The following MYOC variants were observed in gnomAD, a reference collection of about 807,000 sequenced individuals.
The protein encoded by MYOC is juvenile-onset open-angle glaucoma 1.
In MYOC, 29 loss-of-function variants were observed where a neutral mutation model predicts 28.2. That is an observed-to-expected ratio of 1.03 (90% CI 0.77 to 1.40). MYOC has a LOEUF of 1.40. Ranked by LOEUF, MYOC falls within the 40% of genes most tolerant of loss-of-function variation. MYOC has a pLI of 0.00. For synonymous variants in MYOC, 240 were observed against 245.6 expected (o/e 0.98, Z 0.21); for missense variants, 569 against 620.6 (o/e 0.92, Z 0.88).
At chr1:171,641,958 G>A (rs1653087020) in intron 1 of MYOC, among the ~76,000 whole-genome samples, 2 of 152,206 alleles carry the variant, frequency 1.3e-5, no homozygotes, top group African/African-American at 2.4e-5. Flanking sequence ...TTTCATCAAA[G>A]CCACACATTA....
Position 171,652,597 on chromosome 1 carries a change from A to C in MYOC, c.15T>G (p.Cys5Trp), listed in dbSNP as rs1399909538. 10 of 1,614,206 alleles carry C rather than the reference A, an allele frequency of 6.2e-6. No homozygotes were observed. In the East Asian group the frequency reaches 6.7e-5, roughly 11 times the overall value. The change falls in exon 1 of 3, where the codon TGT (cysteine) becomes TGG (tryptophan). Residue 5 changes from cysteine to tryptophan, a missense_variant. Cys to Trp is a radical substitution (Grantham distance 215, BLOSUM62 -2). Coordinates refer to ENST00000037502, the MANE Select transcript of MYOC (RefSeq NM_000261.2). MRFF[C>W]ARCCSFGPEM... is the part of the protein sequence containing the mutation. ...CAGGCCCAAAGCTGCAGCAACGTGC[A>C]CAGAAGAACCTCATTGCAGAGGCTT...
At chr1:171,648,360 G>T (rs932566263) in intron 1 of MYOC, among the ~76,000 whole-genome samples, 4 of 152,132 alleles carry the variant, frequency 2.6e-5, no homozygotes, top group African/African-American at 9.7e-5. Flanking sequence ...GGCTTGATGG[G>T]ATTGAGCCTC....
chr1:171,650,459 A>G (rs1008255027), intron 1 of MYOC, among the ~76,000 whole-genome samples: 4 of 152,244 alleles, frequency 2.6e-5, no homozygotes, highest in Non-Finnish European at 5.9e-5. Flanking sequence ...AACAATCTAA[A>G]CATTTTTTAA....
chr1:171,636,415 C>T lies in MYOC; in HGVS notation c.1025G>A (p.Arg342Lys). The stretch of plus-strand genomic sequence containing the variant: ...ATTCAGCTCATATCTTATGACAGTT[C>T]TGGACTCAGCGCCCTGGAAATAGAG... ...GSLYFQGAESRTVIRYELNTE... is the reference protein window; with the variant it reads ...GSLYFQGAESKTVIRYELNTE... The change falls in exon 3 of 3, where the codon AGA becomes AAA. Residue 342 changes from arginine to lysine, a missense_variant. Coordinates refer to ENST00000037502, the MANE Select transcript of MYOC (RefSeq NM_000261.2). 1 of 1,614,148 alleles carries T rather than the reference C, an allele frequency of 6.2e-7. No homozygotes were observed. The highest frequency in any genetic ancestry group is 8.5e-7 in the Non-Finnish European group (1 of 1,180,018).
chr1:171,637,608 ATGTC>A (rs1277399702), intron 2 of MYOC, among the ~76,000 whole-genome samples: 1 of 151,166 alleles, frequency 6.6e-6, no homozygotes, highest in African/African-American at 2.4e-5. Context: ...ATCACAACAG[ATGTC>A]TGTATTTTTT....
At chr1:171,641,495 C>G (rs902682328) in intron 1 of MYOC, among the ~76,000 whole-genome samples, 2 of 152,070 alleles carry the variant, frequency 1.3e-5, no homozygotes, top group Non-Finnish European at 2.9e-5. Context: ...GTCAGGGGGA[C>G]AGTGGCCTTG....
intron 1 of MYOC, among the ~76,000 whole-genome samples, chr1:171,649,412 G>A (rs981298982): frequency 3.3e-5 from 5 of 152,164 alleles, no homozygotes; most frequent in African/African-American, 1.2e-4. Context: ...CCTTGAAACA[G>A]ATCTTTTGTT....
chr1:171,641,628 C>G (rs1211307188), intron 1 of MYOC, among the ~76,000 whole-genome samples: 1 of 152,174 alleles, frequency 6.6e-6, no homozygotes, highest in Non-Finnish European at 1.5e-5. Flanking sequence ...CTGGGAGGGG[C>G]AGTCCCTCTC....
At chr1:171,638,811 C>G (rs751233286) in intron 1 of MYOC, 89 bp from the exon 2 acceptor site, 2 of 1,486,066 alleles carry the variant, frequency 1.3e-6, no homozygotes, top group African/African-American at 2.8e-5. Context: ...AATAGGCTGC[C>G]GGCCAGGCGT....
chr1:171,651,350 C>CCACA lies in MYOC; in HGVS notation c.604+654_604+657dup, dbSNP rs71107331. On this transcript the variant is annotated intron_variant, in intron 1 of 2. Transcript: ENST00000037502. Reference sequence around the variant, plus strand: ...CCAACACCTCACCCCCGCACCCCCCCCACACACACACAGACTCACCTTTAG... The same window carrying CCACA: ...CCAACACCTCACCCCCGCACCCCCCCCACACACACACACACAGACTCACCTTTAG... 1.2e-3 allele frequency among the ~76,000 whole-genome samples: 171 copies of CCACA among 146,892 alleles called. 1 individual carries two copies. Among genetic ancestry groups the CCACA allele is most frequent in the Non-Finnish European group, 2.2e-3 (144 of 66,760 alleles).
In MYOC at chr1:171,638,656, G is replaced by C; in HGVS notation, c.671C>G (p.Ala224Gly). The change falls in exon 2 of 3, where the codon GCT becomes GGT. Residue 224 changes from alanine to glycine, a missense_variant. Physicochemically the swap from Ala to Gly is moderately conservative, Grantham distance 60. Transcript: ENST00000037502. ...ELKSELTEVP[A>G]SRILKESPSG... is the part of the protein sequence containing the mutation. ...TGGGCTCTCCTTCAAAATTCGGGAA[G>C]CAGGAACTTCAGTTAGCTCGGACTT... The C allele has an allele frequency of 6.2e-7, 1 of 1,614,160 alleles. No individual in the cohort carries two copies. Among genetic ancestry groups the C allele is most frequent in the Non-Finnish European group, 8.5e-7 (1 of 1,179,986 alleles).
chr1:171,636,595 T>C lies in MYOC; in HGVS notation c.845A>G (p.Gln282Arg). Residue 282 changes from glutamine (Q) to arginine (R), a missense_variant, in exon 3 of 3, where the codon CAG becomes CGG. Physicochemically the swap from Gln to Arg is conservative, Grantham distance 43. Coordinates refer to ENST00000037502, the MANE Select transcript of MYOC (RefSeq NM_000261.2). ...RDPKPTYPYT[Q>R]ETTWRIDTVG... ...TGTGTCGATTCTCCACGTGGTCTCCTGGGTGTAGGGGTAGGTGGGCTTGGG... is the reference window on the plus strand; with the variant it reads ...TGTGTCGATTCTCCACGTGGTCTCCCGGGTGTAGGGGTAGGTGGGCTTGGG... The C allele has an allele frequency of 1.9e-6, 3 of 1,612,624 alleles. No individual in the cohort carries two copies. The highest frequency in any genetic ancestry group is 2.5e-6 in the Non-Finnish European group (3 of 1,179,006).
chr1:171,642,149 G>A (rs901425029), intron 1 of MYOC, among the ~76,000 whole-genome samples: 1 of 152,246 alleles, frequency 6.6e-6, no homozygotes, highest in Admixed American at 6.5e-5. Context: ...CAGCTCAGTA[G>A]CTGCTGCAGC....
chr1:171,636,636 A>T lies in MYOC; in HGVS notation c.804T>A (p.Gly268=). Residue 268 remains glycine (G), a synonymous_variant, in exon 3 of 3, where the codon GGT becomes GGA. Transcript: ENST00000037502. ...TGGGCTTGGGGTCTCGCATCCACACACCATACTTGCCAGTAATTGTTTCTG... is the reference window on the plus strand; with the variant it reads ...TGGGCTTGGGGTCTCGCATCCACACTCCATACTTGCCAGTAATTGTTTCTG... ...RTAETITGKY[G]VWMRDPKPTY... The T allele has an allele frequency of 6.2e-7, 1 of 1,611,882 alleles. No homozygotes were observed. The highest frequency in any genetic ancestry group is 1.3e-5 in the African/African-American group (1 of 74,986).
chr1:171,651,555 A>T (rs1653353165), intron 1 of MYOC, among the ~76,000 whole-genome samples: 1 of 152,200 alleles, frequency 6.6e-6, no homozygotes, highest in South Asian at 2.1e-4. Flanking sequence ...AGAACATTTA[A>T]AAATAAACAA....
At position 171,636,052 on chromosome 1, in the gene MYOC, A is replaced by G; in HGVS notation, c.1388T>C (p.Leu463Pro). Residue 463 changes from leucine (L) to proline (P), a missense_variant, in exon 3 of 3, where the codon CTG (leucine) becomes CCG (proline). Transcript: ENST00000037502. ...YDTGTGISKT[L>P]TIPFKNRYKY... ...ATAGCGGTTCTTGAATGGGATGGTC[A>G]GGGTCTTGCTGATACCTGTGCCTGT... 1 of 1,614,212 alleles carries G rather than the reference A, an allele frequency of 6.2e-7. No individual in the cohort carries two copies. The highest frequency in any genetic ancestry group is 8.5e-7 in the Non-Finnish European group (1 of 1,180,030).
intron 1 of MYOC, among the ~76,000 whole-genome samples, chr1:171,640,468 T>G (rs555429792): frequency 6.6e-6 from 1 of 152,220 alleles, no homozygotes; most frequent in Non-Finnish European, 1.5e-5. Context: ...GCCCAGTGGC[T>G]CATACCTGTA....
At chr1:171,646,977 A>G (rs929055183) in intron 1 of MYOC, among the ~76,000 whole-genome samples, 25 of 152,244 alleles carry the variant, frequency 1.6e-4, no homozygotes, top group African/African-American at 6.0e-4. Flanking sequence ...AGACATAGGC[A>G]TTGTAATAAT....
rs74122890 is a variant in MYOC, at chr1:171,639,403, G to T, written c.605-681C>A. Among the ~76,000 whole-genome samples, 428 of 152,256 alleles carry T rather than the reference G, an allele frequency of 2.8e-3. 1 individual carries two copies. The highest frequency in any genetic ancestry group is 9.8e-3 in the African/African-American group (406 of 41,536). ...TTAATTCCACTAGAAGGGCTGGTTT[G>T]TGAATAGGTGAGTCGTAATTTCAGG... On this transcript the variant is annotated intron_variant, in intron 1 of 2. Coordinates refer to ENST00000037502, the MANE Select transcript of MYOC (RefSeq NM_000261.2).
Sources: allele counts gnomAD v4.1 joint callset (sites outside exome capture counted in the v4.1 genomes callset), GRCh38; gene constraint gnomAD v4.1.1; transcripts MANE v1.5; gene names NCBI Gene and HGNC (gene_info 2026-07-23, HGNC 2026-07-21).